Variants in ENOPH1 observed in about 807,000 individuals in gnomAD.
ENOPH1 encodes enolase-phosphatase E1.
A neutral mutation model predicts 31.1 loss-of-function variants in ENOPH1; 14 were observed. That is an observed-to-expected ratio of 0.45 (90% confidence interval 0.30 to 0.70). The LOEUF is 0.70. Among genes scored for constraint, ENOPH1 ranks in the 30% least tolerant of loss-of-function variants. ENOPH1 has a pLI of 0.09. For missense variants in ENOPH1, 243 were observed against 321.5 expected, an observed-to-expected ratio of 0.76 and a Z score of 1.87; for synonymous variants, 127 against 123.2, an observed-to-expected ratio of 1.03 and a Z score of -0.21.
chr4:82,447,776 T>C (rs539142914), intron 1 of ENOPH1, 144 bp from the exon 2 acceptor site: 1 of 490,314 alleles, frequency 2.0e-6, no homozygotes, highest in Non-Finnish European at 3.5e-6. Context: ...CTGTCTCTCT[T>C]TCTTGCTCAT....
intron 1 of ENOPH1, among the ~76,000 whole-genome samples, chr4:82,444,648 AAGCGATCACTG>A (rs1560465179): frequency 1.3e-5 from 2 of 152,226 alleles, no homozygotes; most frequent in Non-Finnish European, 2.9e-5. Context: ...CTCTTTCAGT[AAGCGATCACTG>A]AGCTTTGCAG....
chr4:82,436,519 C>T (rs1338537312), intron 1 of ENOPH1, among the ~76,000 whole-genome samples: 1 of 151,858 alleles, frequency 6.6e-6, no homozygotes, highest in Non-Finnish European at 1.5e-5. Context: ...GACCTCGTCT[C>T]TACTAAAAAT....
chr4:82,459,698 A>C (rs748565030), intron 5 of ENOPH1, among the ~76,000 whole-genome samples: 3 of 152,216 alleles, frequency 2.0e-5, no homozygotes, highest in African/African-American at 7.2e-5. Context: ...TTCTGCATTC[A>C]TAAGTACTTA....
At chr4:82,445,759 G>A (rs977019359) in intron 1 of ENOPH1, among the ~76,000 whole-genome samples, 3 of 152,220 alleles carry the variant, frequency 2.0e-5, no homozygotes, top group African/African-American at 4.8e-5. Flanking sequence ...AATATTTATA[G>A]TCCAGATGTT....
intron 1 of ENOPH1, among the ~76,000 whole-genome samples, chr4:82,441,354 G>C (rs1722034207): frequency 6.6e-6 from 1 of 152,220 alleles, no homozygotes; most frequent in Non-Finnish European, 1.5e-5. Flanking sequence ...CAGGTGTGGT[G>C]GCTCATGCCT....
chr4:82,441,940 T>G (rs981307536), intron 1 of ENOPH1, among the ~76,000 whole-genome samples: 2 of 152,178 alleles, frequency 1.3e-5, no homozygotes, highest in Non-Finnish European at 2.9e-5. Flanking sequence ...GACAAGATCA[T>G]CAAAGTAAGT....
chr4:82,456,518 T>G (rs554898579), intron 4 of ENOPH1, among the ~76,000 whole-genome samples: 10 of 152,314 alleles, frequency 6.6e-5, no homozygotes, highest in African/African-American at 2.4e-4. Flanking sequence ...GTTAGAGAAA[T>G]TTTTTCATCG....
intron 1 of ENOPH1, among the ~76,000 whole-genome samples, chr4:82,442,518 T>C (rs1722066949): frequency 6.6e-6 from 1 of 151,456 alleles, no homozygotes; most frequent in East Asian, 1.9e-4. Flanking sequence ...AGACTCTGTC[T>C]CAAAAAAACA....
intron 1 of ENOPH1, among the ~76,000 whole-genome samples, chr4:82,446,569 G>A (rs531578686): frequency 2.0e-5 from 3 of 150,358 alleles, no homozygotes; most frequent in Non-Finnish European, 4.4e-5. Context: ...AACACAGCTA[G>A]TAAAAAGCGG....
chr4:82,438,875 CA>C (rs1721972551), intron 1 of ENOPH1, among the ~76,000 whole-genome samples: 1 of 152,148 alleles, frequency 6.6e-6, no homozygotes, highest in Non-Finnish European at 1.5e-5. Context: ...CTAAAGAAAA[CA>C]AAGTATTCTT....
rs142765838 is a variant in ENOPH1, at chr4:82,454,825, G to A, written c.493G>A (p.Gly165Arg). 115 of 1,613,436 alleles carry A rather than the reference G, an allele frequency of 7.1e-5. No individual in the cohort carries two copies. The African/African-American group carries it at 1.3e-3, about 18-fold the overall frequency. Residue 165 changes from glycine to arginine, a missense_variant, in exon 4 of 6, where the codon GGG becomes AGG. Transcript: ENST00000273920. ...TGTGGAGGCACAGAAACTGTTATTC[G>A]GGCATTCTACGGAGGGAGATATTCT... is the stretch of plus-strand genomic sequence containing the variant. ...GSVEAQKLLF[G>R]HSTEGDILEL...
Position 82,457,777 on chromosome 4 carries a change from C to T in ENOPH1, c.646+739C>T, listed in dbSNP as rs111372338. 2.4e-3 allele frequency among the ~76,000 whole-genome samples: 358 copies of T among 152,308 alleles called. 1 individual carries two copies. Among genetic ancestry groups the T allele is most frequent in the African/African-American group, 8.3e-3 (344 of 41,558 alleles). ...ACAGTTCCATTTGTGATCCCCGGACCTTTGCTCTATCTCAATATTAAGAAT... is the reference window on the plus strand; with the variant it reads ...ACAGTTCCATTTGTGATCCCCGGACTTTTGCTCTATCTCAATATTAAGAAT... On this transcript the variant is annotated intron_variant, in intron 5 of 5. Transcript: ENST00000273920.
intron 5 of ENOPH1, among the ~76,000 whole-genome samples, chr4:82,459,106 T>C (rs1310321489): frequency 6.6e-6 from 1 of 152,158 alleles, no homozygotes; most frequent in Non-Finnish European, 1.5e-5. Context: ...TATTCCAGAT[T>C]TCTCACCAGT....
chr4:82,454,091 G>A (rs527926468), intron 3 of ENOPH1, among the ~76,000 whole-genome samples: 11 of 150,734 alleles, frequency 7.3e-5, no homozygotes, highest in South Asian at 2.1e-4. Flanking sequence ...GCACATGCTT[G>A]TAGTCCCAAC....
intron 1 of ENOPH1, among the ~76,000 whole-genome samples, chr4:82,444,846 A>G (rs1302653654): frequency 6.6e-6 from 1 of 152,174 alleles, no homozygotes; most frequent in South Asian, 2.1e-4. Flanking sequence ...TATTTGTAGA[A>G]TCCTGAGTTT....
Position 82,430,822 on chromosome 4 carries a change from G to A in ENOPH1, c.-8G>A, listed in dbSNP as rs1178547295. On this transcript the variant is annotated 5_prime_UTR_variant, in exon 1 of 6. Transcript: ENST00000273920. Reference sequence around the variant, plus strand: ...AGCAGGCCGAGTCCCGTAGCATCCGGTAGGGAAATGGTCGTGCTTTCGGTC... The same window carrying A: ...AGCAGGCCGAGTCCCGTAGCATCCGATAGGGAAATGGTCGTGCTTTCGGTC... 3.1e-6 allele frequency: 5 copies of A among 1,614,014 alleles called. No individual in the cohort carries two copies. The Admixed American group carries it at 8.3e-5, about 27-fold the overall frequency.
At chr4:82,455,178 A>G in intron 4 of ENOPH1, among the ~76,000 whole-genome samples, 1 of 152,220 alleles carries the variant, frequency 6.6e-6, no homozygotes, top group Non-Finnish European at 1.5e-5. Flanking sequence ...CTTTGAAGAA[A>G]TATAGATTTC....
rs534031764 is a variant in ENOPH1 at position 82,454,670 on chromosome 4, A to G, written c.390-52A>G. The G allele has an allele frequency of 3.2e-6, 5 of 1,576,192 alleles. No homozygotes were observed. In the Admixed American group the frequency reaches 5.9e-5, roughly 19 times the overall value. ...ATGGCATCTGTTTTGACAGGTTTTT[A>G]TCTGGCTAGATGAGGTGTTCCTGTA... On this transcript the variant is annotated intron_variant, in intron 3 of 5. Transcript: ENST00000273920.
At chr4:82,453,927 C>T (rs961546171) in intron 3 of ENOPH1, among the ~76,000 whole-genome samples, 1 of 151,920 alleles carries the variant, frequency 6.6e-6, no homozygotes, top group South Asian at 2.1e-4. Flanking sequence ...AAATGCAGGC[C>T]GGGTGCAGTG....
Sources: gnomAD v4.1 joint callset for allele counts (sites outside exome capture counted in the v4.1 genomes callset) on GRCh38, gnomAD v4.1.1 for gene constraint, MANE v1.5 for transcripts, NCBI Gene and HGNC (gene_info 2026-07-23, HGNC 2026-07-21) for gene names.